The following CCDC169 variants were observed in gnomAD, a reference collection of about 807,000 sequenced individuals.
CCDC169 encodes the protein coiled-coil domain containing 169.
In CCDC169, 30 loss-of-function variants were observed where a neutral mutation model predicts 36.0. That is an observed-to-expected ratio of 0.83 (90% CI 0.62 to 1.13). The LOEUF (loss-of-function observed/expected upper bound fraction) is 1.13, where lower values mean the gene tolerates loss of function less well. Among genes scored for constraint, CCDC169 ranks in the 50% most tolerant of loss-of-function variants. CCDC169 has a pLI of 0.00. For synonymous variants in CCDC169, 85 were observed against 81.5 expected, an observed-to-expected ratio of 1.04 and a Z score of -0.23; for missense variants, 245 against 245.9, an observed-to-expected ratio of 1.00 and a Z score of 0.03.
Position 36,283,511 on chromosome 13 carries a change from T to C in CCDC169, c.275-2A>G. ...AGACACGAATAGAAGATAGTCTATCTACAATAAATCAAATATGAGCACTTA... is the reference window on the plus strand; with the variant it reads ...AGACACGAATAGAAGATAGTCTATCCACAATAAATCAAATATGAGCACTTA... On this transcript the variant is annotated splice_acceptor_variant, in intron 3 of 7. Coordinates refer to ENST00000239859, the MANE Select transcript of CCDC169 (RefSeq NM_001144981.3). LOFTEE classifies it high-confidence loss of function. 6.4e-7 allele frequency: 1 copy of C among 1,550,740 alleles called. No homozygotes were observed. Among genetic ancestry groups the C allele is most frequent in the Non-Finnish European group, 8.7e-7 (1 of 1,146,314 alleles).
intron 4 of CCDC169, among the ~76,000 whole-genome samples, chr13:36,276,896 G>T (rs9531709): frequency 0.25 from 38,477 of 151,854 alleles, 5,160 homozygotes; most frequent in East Asian, 0.49. Flanking sequence ...CCTATTGTGA[G>T]GTCTGCCAAA....
At chr13:36,286,472 C>T (rs1433479279) in intron 2 of CCDC169, among the ~76,000 whole-genome samples, 2 of 152,128 alleles carry the variant, frequency 1.3e-5, no homozygotes, top group East Asian at 1.9e-4. Flanking sequence ...TCAGTTCTGA[C>T]TCAGTTGCCT....
intron 4 of CCDC169, chr13:36,281,409 A>C (rs1315014522): frequency 3.1e-6 from 1 of 319,206 alleles, no homozygotes; most frequent in Non-Finnish European, 6.0e-6. Context: ...TTAGAAGATA[A>C]TATAACGTAT....
At chr13:36,232,214 C>G (rs1444892923) in intron 7 of CCDC169, among the ~76,000 whole-genome samples, 3 of 152,178 alleles carry the variant, frequency 2.0e-5, no homozygotes, top group Non-Finnish European at 4.4e-5. Flanking sequence ...AGTGAAAACT[C>G]AGTAGCCTGG....
intron 4 of CCDC169, among the ~76,000 whole-genome samples, chr13:36,254,373 C>A (rs572921952): frequency 5.4e-4 from 81 of 150,488 alleles, no homozygotes; most frequent in Non-Finnish European, 1.0e-3. Flanking sequence ...CCTCCCAGGT[C>A]TATGCGATTC....
chr13:36,278,489 G>A (rs769435577), intron 4 of CCDC169, among the ~76,000 whole-genome samples: 14 of 151,904 alleles, frequency 9.2e-5, no homozygotes, highest in Admixed American at 3.3e-4. Context: ...TTCTTTCTTC[G>A]CTTTTGAATA....
chr13:36,225,458 G>A (rs1183321186), downstream of CCDC169: 1 of 152,382 alleles, frequency 6.6e-6, no homozygotes, highest in Admixed American at 6.5e-5. Context: ...TCATGCCTTG[G>A]CCTTCCAAAG....
chr13:36,284,488 T>C (rs1177183574), intron 2 of CCDC169, among the ~76,000 whole-genome samples: 2 of 152,226 alleles, frequency 1.3e-5, no homozygotes, highest in Non-Finnish European at 2.9e-5. Context: ...TTTGAAATCA[T>C]ATCCTCTTAA....
downstream of CCDC169, among the ~76,000 whole-genome samples, chr13:36,230,303 G>A (rs144924992): frequency 1.5e-3 from 225 of 152,232 alleles, 1 homozygote; most frequent in African/African-American, 5.1e-3. Flanking sequence ...TATATGTTCC[G>A]GACCTAGGTG....
chr13:36,239,622 A>T (rs9575660), intron 7 of CCDC169, among the ~76,000 whole-genome samples: 61,532 of 151,990 alleles, frequency 0.4, 13,218 homozygotes, highest in Non-Finnish European at 0.48. Flanking sequence ...AGGGATTTTT[A>T]AAAATAATCT....
At chr13:36,291,525 TTAAA>T (rs1878896673) in intron 2 of CCDC169, among the ~76,000 whole-genome samples, 1 of 152,194 alleles carries the variant, frequency 6.6e-6, no homozygotes, top group Non-Finnish European at 1.5e-5. Context: ...ATTTGTTTTT[TTAAA>T]TAAATATTTA....
At chr13:36,256,223 C>T (rs1373027299) in intron 4 of CCDC169, among the ~76,000 whole-genome samples, 1 of 152,088 alleles carries the variant, frequency 6.6e-6, no homozygotes, top group Non-Finnish European at 1.5e-5. Flanking sequence ...TTCAGGAGGC[C>T]TGTTTTTTCA....
intron 4 of CCDC169, among the ~76,000 whole-genome samples, chr13:36,266,922 C>G (rs539073687): frequency 5.3e-5 from 8 of 152,296 alleles, no homozygotes; most frequent in African/African-American, 1.9e-4. Flanking sequence ...ACTATCCATA[C>G]TCCTAGTTTT....
intron 4 of CCDC169, chr13:36,280,963 T>C (rs548907030): frequency 3.5e-5 from 6 of 172,238 alleles, no homozygotes; most frequent in African/African-American, 1.4e-4. Context: ...AAGGTGCCCA[T>C]ATGATACAGT....
At chr13:36,292,078 T>C (rs1878971728) in intron 2 of CCDC169, among the ~76,000 whole-genome samples, 1 of 150,748 alleles carries the variant, frequency 6.6e-6, no homozygotes, top group African/African-American at 2.4e-5. Context: ...AACCTCTACC[T>C]CCCGGTTCAA....
chr13:36,264,859 A>T (rs940715044), intron 4 of CCDC169, among the ~76,000 whole-genome samples: 1 of 152,190 alleles, frequency 6.6e-6, no homozygotes, highest in African/African-American at 2.4e-5. Flanking sequence ...TGAAGCTGAG[A>T]ATCTAATAGG....
chr13:36,293,194 T>C (rs558369909), intron 2 of CCDC169, among the ~76,000 whole-genome samples: 1 of 152,168 alleles, frequency 6.6e-6, no homozygotes, highest in Non-Finnish European at 1.5e-5. Context: ...ATAAATTCCT[T>C]TTAAAACACC....
At chr13:36,245,577 A>G (rs1439152381) in intron 7 of CCDC169, among the ~76,000 whole-genome samples, 1 of 152,196 alleles carries the variant, frequency 6.6e-6, no homozygotes, top group African/African-American at 2.4e-5. Flanking sequence ...TATGATAGGC[A>G]TGAGCCACTG....
At chr13:36,285,622 C>CATAG (rs374669787) in intron 2 of CCDC169, among the ~76,000 whole-genome samples, 1 of 19,254 alleles carries the variant, frequency 5.2e-5, no homozygotes, top group Non-Finnish European at 1.5e-4. Flanking sequence ...TAGATAGATA[C>CATAG]ATAGATACAT....
Sources: gnomAD v4.1 joint callset for allele counts (sites outside exome capture counted in the v4.1 genomes callset) on GRCh38, gnomAD v4.1.1 for gene constraint, MANE v1.5 for transcripts, NCBI Gene and HGNC (gene_info 2026-07-23, HGNC 2026-07-21) for gene names.